The following SVIL variants were observed in gnomAD, a reference collection of about 807,000 sequenced individuals.
The protein encoded by SVIL is archvillin.
In SVIL, 101 loss-of-function variants were observed where a neutral mutation model predicts 240.4. That is an observed-to-expected ratio of 0.42 (90% confidence interval 0.36 to 0.50). The LOEUF (loss-of-function observed/expected upper bound fraction) is 0.50. Among genes scored for constraint, SVIL ranks in the 20% least tolerant of loss-of-function variants. The pLI is 0.01. For synonymous variants in SVIL, 999 were observed against 1,100.0 expected (o/e 0.91, Z 1.82); for missense variants, 2,512 against 2,818.7 (o/e 0.89, Z 2.46).
At chr10:29,549,791 A>G (rs1953070866) in intron 6 of SVIL, among the ~76,000 whole-genome samples, 1 of 140,570 alleles carries the variant, frequency 7.1e-6, no homozygotes, top group African/African-American at 2.7e-5. Context: ...CAAACACCGC[A>G]TATTCTCACT....
chr10:29,734,801 C>A (rs1211733552), intron 1 of SVIL, among the ~76,000 whole-genome samples: 1 of 152,184 alleles, frequency 6.6e-6, no homozygotes, highest in Non-Finnish European at 1.5e-5. Context: ...AGAGATGCTG[C>A]CTCTGACATT....
At position 29,463,751 on chromosome 10, in the gene SVIL, A is replaced by G. The variant is rs77745790; in HGVS notation, c.6134-116T>C. ...TCTTGACTGCAGTGTCACAGGGGGA[A>G]ACCCCCTTGGCCATCAAACCAGGGG... On this transcript the variant is annotated intron_variant, in intron 34 of 37. Coordinates refer to ENST00000355867, the MANE Select transcript of SVIL (RefSeq NM_021738.3). 11,388 of 1,425,256 alleles carry G rather than the reference A, an allele frequency of 8.0e-3. 695 individuals are homozygous for G. The African/African-American group carries it at 0.14, about 17-fold the overall frequency. The allele number at this position is 1,425,256 out of a possible 1,614,324, so 88.3% of individuals were successfully genotyped here.
intron 1 of SVIL, among the ~76,000 whole-genome samples, chr10:29,696,475 C>T (rs969988050): frequency 1.9e-4 from 29 of 151,154 alleles, no homozygotes; most frequent in African/African-American, 6.3e-4. Context: ...AGGAGCGTCT[C>T]TGCCCGGCTG....
intron 2 of SVIL, among the ~76,000 whole-genome samples, chr10:29,658,505 C>A (rs998631332): frequency 1.3e-5 from 2 of 152,304 alleles, no homozygotes; most frequent in Non-Finnish European, 2.9e-5. Flanking sequence ...ACCTGTAATC[C>A]TGGCACTTTG....
rs184037682 is a variant in SVIL at position 29,666,118 on chromosome 10, A to G, written c.-300-8050T>C. ...TTTTTTATAAAGACAGGGTTTCACT[A>G]TGTGGCCCAGGCTGGTCTCAAACTC... is the stretch of plus-strand genomic sequence containing the variant. On this transcript the variant is annotated intron_variant, in intron 2 of 35. Coordinates refer to the SVIL transcript ENST00000375400. Among the ~76,000 whole-genome samples the G allele has an allele frequency of 5.7e-3, 864 of 152,258 alleles. 6 individuals are homozygous for G. The highest frequency in any genetic ancestry group is 0.017 in the Middle Eastern group (5 of 294).
At chr10:29,691,847 C>G (rs556419479) in intron 1 of SVIL, among the ~76,000 whole-genome samples, 1 of 152,278 alleles carries the variant, frequency 6.6e-6, no homozygotes, top group South Asian at 2.1e-4. Flanking sequence ...CCACTGTTGT[C>G]TACAAACAAG....
chr10:29,530,292 G>A (rs1951264898), intron 11 of SVIL, among the ~76,000 whole-genome samples: 1 of 137,966 alleles, frequency 7.2e-6, no homozygotes, highest in African/African-American at 2.5e-5. Context: ...ACCTCGTATT[G>A]TTGTCAGAAG....
At chr10:29,582,197 TG>T (rs2132766464) in intron 1 of SVIL, among the ~76,000 whole-genome samples, 1 of 152,286 alleles carries the variant, frequency 6.6e-6, no homozygotes, top group South Asian at 2.1e-4. Context: ...CACTTAAACG[TG>T]GTTGAAATGG....
At chr10:29,651,409 T>C (rs1467911733) in intron 3 of SVIL, among the ~76,000 whole-genome samples, 1 of 152,128 alleles carries the variant, frequency 6.6e-6, no homozygotes, top group African/African-American at 2.4e-5. Context: ...GAACTTCTCT[T>C]ATCATGGTCA....
intron 2 of SVIL, among the ~76,000 whole-genome samples, chr10:29,685,969 G>A (rs1044516083): frequency 6.6e-6 from 1 of 152,154 alleles, no homozygotes; most frequent in Non-Finnish European, 1.5e-5. Flanking sequence ...TCAGTCAGAT[G>A]TTCAAAAAAT....
intron 1 of SVIL, among the ~76,000 whole-genome samples, chr10:29,711,656 A>G (rs776742414): frequency 1.3e-5 from 2 of 151,930 alleles, no homozygotes; most frequent in African/African-American, 2.4e-5. Flanking sequence ...ACTACTCAGG[A>G]GGCTGAGGCA....
chr10:29,644,821 A>C (rs1958603964), intron 3 of SVIL, among the ~76,000 whole-genome samples: 1 of 152,106 alleles, frequency 6.6e-6, no homozygotes, highest in Non-Finnish European at 1.5e-5. Context: ...TTAGCCAGTG[A>C]CTTCTGTATT....
In SVIL at chr10:29,532,987, C is replaced by T; in HGVS notation, c.1380G>A (p.Glu460=). The change falls in exon 8 of 38, where the codon GAG becomes GAA. Residue 460 remains glutamate, a synonymous_variant. Transcript: ENST00000355867. ...CTGGGCTTCTCACTAGCCCATCACC[C>T]TCCAAAGCCAGTAGGGTTTTCTTGC... is the stretch of plus-strand genomic sequence containing the variant. The part of the protein sequence containing the change: ...EQSKKTLLAL[E]GDGLVRSPED... 1 of 1,614,154 alleles carries T rather than the reference C, an allele frequency of 6.2e-7. No homozygotes were observed. Among genetic ancestry groups the T allele is most frequent in the Non-Finnish European group, 8.5e-7 (1 of 1,180,030 alleles).
chr10:29,550,336 T>A (rs1393648685), intron 6 of SVIL, among the ~76,000 whole-genome samples: 1 of 151,428 alleles, frequency 6.6e-6, no homozygotes. Flanking sequence ...CAGCTACTTA[T>A]GAGGCTGAGG....
intron 1 of SVIL, among the ~76,000 whole-genome samples, chr10:29,603,085 C>T (rs886716865): frequency 8.4e-6 from 1 of 118,612 alleles, no homozygotes; most frequent in African/African-American, 2.7e-5. Flanking sequence ...GACTGAAACT[C>T]GAGACTCCTT....
intron 11 of SVIL, 84 bp from the exon 12 acceptor site, chr10:29,529,928 T>A: frequency 7.1e-7 from 1 of 1,409,402 alleles, no homozygotes; most frequent in Non-Finnish European, 9.4e-7. Context: ...CCCAGCACTT[T>A]GGGAGGCTAA....
At chr10:29,500,275 C>T (rs1948775708) in intron 17 of SVIL, among the ~76,000 whole-genome samples, 1 of 152,072 alleles carries the variant, frequency 6.6e-6, no homozygotes, top group South Asian at 2.1e-4. Context: ...TTTGCTTTTC[C>T]TCTGTCTTCA....
chr10:29,554,619 C>T (rs574507715), intron 5 of SVIL, among the ~76,000 whole-genome samples, 164 bp downstream of exon 5: 1 of 152,318 alleles, frequency 6.6e-6, no homozygotes, highest in Non-Finnish European at 1.5e-5. Flanking sequence ...CATACTCCTG[C>T]ATTCCAGCCT....
chr10:29,524,080 T>G, intron 14 of SVIL, 53 bp from the exon 15 acceptor site: 1 of 1,490,138 alleles, frequency 6.7e-7, no homozygotes, highest in Non-Finnish European at 9.0e-7. Flanking sequence ...ATCATCTATA[T>G]AAATCCTGGT....
Sources: allele counts gnomAD v4.1 joint callset (sites outside exome capture counted in the v4.1 genomes callset), GRCh38; gene constraint gnomAD v4.1.1; transcripts MANE v1.5; gene names NCBI Gene and HGNC (gene_info 2026-07-23, HGNC 2026-07-21).